Variants in GLIS3 observed in about 807,000 individuals in gnomAD.
GLIS3 encodes the protein zinc finger protein GLIS3.
A neutral mutation model predicts 78.6 loss-of-function variants in GLIS3; 53 were observed. That is an observed-to-expected ratio of 0.67 (90% CI 0.54 to 0.85). The LOEUF (loss-of-function observed/expected upper bound fraction) is 0.85. GLIS3 is among the 40% of genes least tolerant of loss of function. The pLI is 0.00. For synonymous variants in GLIS3, 684 were observed against 509.9 expected (o/e 1.34, Z -4.60); for missense variants, 1,703 against 1,231.1 (o/e 1.38, Z -5.74).
intron 2 of GLIS3, among the ~76,000 whole-genome samples, chr9:4,177,827 G>A (rs937263940): frequency 6.6e-6 from 1 of 152,172 alleles, no homozygotes; most frequent in African/African-American, 2.4e-5. Context: ...TACTGAATAA[G>A]CTATGCGACA....
intron 2 of GLIS3, among the ~76,000 whole-genome samples, chr9:4,142,592 G>C (rs1253780755): frequency 6.6e-6 from 1 of 152,254 alleles, no homozygotes; most frequent in East Asian, 1.9e-4. Flanking sequence ...ATCTCACTTT[G>C]ATCTTCTTAT....
At chr9:4,483,950 G>C in the GLIS3 span, among the ~76,000 whole-genome samples, 7 of 152,160 alleles carry the variant, frequency 4.6e-5, no homozygotes, top group African/African-American at 1.7e-4. Flanking sequence ...ACCTCACTGA[G>C]ATACTGAGAG....
At chr9:4,472,411 G>A in the GLIS3 span, among the ~76,000 whole-genome samples, 2 of 152,180 alleles carry the variant, frequency 1.3e-5, no homozygotes, top group African/African-American at 4.8e-5. Flanking sequence ...TATACATCAT[G>A]GAATACTATG....
chr9:3,909,093 G>A (rs1823952232), intron 6 of GLIS3, among the ~76,000 whole-genome samples: 1 of 152,110 alleles, frequency 6.6e-6, no homozygotes, highest in African/African-American at 2.4e-5. Flanking sequence ...ACCAAAATAT[G>A]TTCCAGAAGA....
chr9:4,438,264 A>G, the GLIS3 span, among the ~76,000 whole-genome samples: 30,433 of 152,216 alleles, frequency 0.2, 3,201 homozygotes, highest in Middle Eastern at 0.29. Context: ...TGCCACCCCA[A>G]TGAATCTTAA....
chr9:4,473,834 T>A, the GLIS3 span, among the ~76,000 whole-genome samples: 1 of 152,130 alleles, frequency 6.6e-6, no homozygotes, highest in Non-Finnish European at 1.5e-5. Context: ...TTTACAATCA[T>A]ATCAAAACAC....
chr9:4,020,918 G>A (rs1822832602), intron 4 of GLIS3, among the ~76,000 whole-genome samples: 1 of 152,150 alleles, frequency 6.6e-6, no homozygotes, highest in African/African-American at 2.4e-5. Context: ...ACTTCCACCT[G>A]CACACAGTTC....
At chr9:4,222,946 T>G (rs896528548) in intron 2 of GLIS3, among the ~76,000 whole-genome samples, 2 of 152,226 alleles carry the variant, frequency 1.3e-5, no homozygotes, top group South Asian at 2.1e-4. Flanking sequence ...CTTATCTCAG[T>G]AGCCTTCAGG....
the GLIS3 span, among the ~76,000 whole-genome samples, chr9:4,433,868 A>G: frequency 6.6e-6 from 1 of 152,168 alleles, no homozygotes; most frequent in Non-Finnish European, 1.5e-5. Flanking sequence ...AGGCCAAGGC[A>G]GGTGGATCAT....
chr9:3,989,523 G>A (rs1296639789), intron 4 of GLIS3, among the ~76,000 whole-genome samples: 7 of 152,058 alleles, frequency 4.6e-5, no homozygotes, highest in Non-Finnish European at 8.8e-5. Flanking sequence ...AACTACTGTG[G>A]AATAAACATA....
At chr9:4,250,302 T>C (rs1232005208) in intron 2 of GLIS3, among the ~76,000 whole-genome samples, 1 of 152,224 alleles carries the variant, frequency 6.6e-6, no homozygotes, top group African/African-American at 2.4e-5. Flanking sequence ...AATTTGTTAT[T>C]GACCTACTCA....
At chr9:3,989,459 C>A (rs1256682325) in intron 4 of GLIS3, among the ~76,000 whole-genome samples, 1 of 152,188 alleles carries the variant, frequency 6.6e-6, no homozygotes, top group Admixed American at 6.5e-5. Context: ...AGCAGCTTTA[C>A]TTGTAATAGC....
chr9:3,890,721 C>T (rs540408740), intron 7 of GLIS3, among the ~76,000 whole-genome samples: 2 of 151,940 alleles, frequency 1.3e-5, no homozygotes, highest in Non-Finnish European at 2.9e-5. Flanking sequence ...TGGCATAGCA[C>T]GCTGTCTCTA....
intron 2 of GLIS3, among the ~76,000 whole-genome samples, chr9:4,264,335 C>T (rs551949824): frequency 6.6e-6 from 1 of 152,310 alleles, no homozygotes; most frequent in East Asian, 1.9e-4. Flanking sequence ...TCCCAGCGAC[C>T]ATCTCTCTCC....
chr9:3,951,886 G>GCACGCACACACACA (rs1816720712), intron 4 of GLIS3, among the ~76,000 whole-genome samples: 1 of 60,474 alleles, frequency 1.7e-5, no homozygotes, highest in African/African-American at 6.7e-5. Context: ...ACACACACAC[G>GCACGCACACACACA]CACGCACACA....
intron 2 of GLIS3, among the ~76,000 whole-genome samples, chr9:4,262,307 G>A (rs561880991): frequency 2.0e-4 from 31 of 152,178 alleles, no homozygotes; most frequent in African/African-American, 6.7e-4. Context: ...ACTGACACCC[G>A]CTATTTTTGC....
At chr9:4,457,204 A>C in the GLIS3 span, among the ~76,000 whole-genome samples, 7 of 152,010 alleles carry the variant, frequency 4.6e-5, no homozygotes, top group Admixed American at 3.3e-4. Context: ...CTCTATAAAA[A>C]TAAAAAATTA....
intron 2 of GLIS3, among the ~76,000 whole-genome samples, chr9:4,261,744 C>A (rs117421312): frequency 6.6e-6 from 1 of 152,258 alleles, no homozygotes; most frequent in East Asian, 1.9e-4. Context: ...AACGCAATTC[C>A]CATTTCAGAG....
chr9:4,421,954 T>G, the GLIS3 span, among the ~76,000 whole-genome samples: 7 of 152,176 alleles, frequency 4.6e-5, no homozygotes, highest in Non-Finnish European at 7.3e-5. Context: ...TAACTGAAAT[T>G]TAGCATTTTA....
Sources: allele counts gnomAD v4.1 joint callset (sites outside exome capture counted in the v4.1 genomes callset), GRCh38; gene constraint gnomAD v4.1.1; transcripts MANE v1.5; gene names NCBI Gene and HGNC (gene_info 2026-07-23, HGNC 2026-07-21).